The following OFD1 variants were observed in gnomAD, a reference collection of about 807,000 sequenced individuals.
The protein encoded by OFD1 is OFD1 centriole and centriolar satellite protein, also known as centriole and centriolar satellite protein OFD1.
In OFD1, 12 loss-of-function variants were observed where a neutral mutation model predicts 81.4. That is an observed-to-expected ratio of 0.15 (90% confidence interval 0.09 to 0.24). OFD1 has a LOEUF of 0.24. Among genes scored for constraint, OFD1 ranks in the 10% least tolerant of loss-of-function variants. The probability of loss-of-function intolerance (pLI) is 1.00; values close to 1 mark genes in which losing one functional copy is unlikely to be tolerated. For missense variants in OFD1, 685 were observed against 733.9 expected, an observed-to-expected ratio of 0.93 and a Z score of 0.77; for synonymous variants, 256 against 263.7, an observed-to-expected ratio of 0.97 and a Z score of 0.28.
chrX:13,760,125 T>C lies in OFD1; in HGVS notation c.1665T>C (p.Asn555=), dbSNP rs1359716446. The change falls in exon 16 of 23, where the codon AAT becomes AAC. Residue 555 remains asparagine (N), a synonymous_variant. Transcript: ENST00000340096. ...QLKQTQTALE[N]EVYCNPKQSV... ...TTTTGTACCCTGCAGCCCTAGAGAA[T>C]GAAGTGTACTGCAATCCAAAGCAGT... is the stretch of plus-strand genomic sequence containing the variant. 1.7e-6 allele frequency: 2 copies of C among 1,210,523 alleles called. No individual in the cohort carries two copies. The highest frequency in any genetic ancestry group is 3.5e-5 in the African/African-American group (2 of 57,335).
intron 10 of OFD1, among the ~76,000 whole-genome samples, chrX:13,752,354 A>G: frequency 8.9e-6 from 1 of 112,155 alleles, no homozygotes; most frequent in Non-Finnish European, 1.9e-5. Context: ...ATTTGTTGTA[A>G]ATGTGTCACG....
intron 3 of OFD1, among the ~76,000 whole-genome samples, chrX:13,737,282 T>C (rs768715640): frequency 9.0e-6 from 1 of 111,670 alleles, no homozygotes; most frequent in South Asian, 3.7e-4. Context: ...TTCTAATTAT[T>C]TTAACTATAT....
the OFD1 span, among the ~76,000 whole-genome samples, chrX:13,723,461 C>T: frequency 2.7e-5 from 3 of 111,884 alleles, no homozygotes; most frequent in African/African-American, 6.5e-5. Context: ...AGCCACCATG[C>T]CCGGCCTGAT....
upstream of OFD1, among the ~76,000 whole-genome samples, chrX:13,733,695 C>T (rs893395641): frequency 8.0e-5 from 9 of 111,832 alleles, no homozygotes; most frequent in Middle Eastern, 4.2e-3. Flanking sequence ...ATATTCCCAG[C>T]ACACAACTCT....
intron 8 of OFD1, among the ~76,000 whole-genome samples, chrX:13,748,473 T>C (rs757786957): frequency 8.9e-6 from 1 of 112,616 alleles, no homozygotes; most frequent in South Asian, 3.7e-4. Context: ...TTTATGTACT[T>C]CAGTTACAAA....
chrX:13,759,885 A>G (rs1289429678), intron 15 of OFD1, among the ~76,000 whole-genome samples: 1 of 112,294 alleles, frequency 8.9e-6, no homozygotes, highest in Non-Finnish European at 1.9e-5. Flanking sequence ...AAAATTGTGC[A>G]TAATGGATTC....
chrX:13,743,357 T>C (rs966459001), intron 5 of OFD1, among the ~76,000 whole-genome samples: 1 of 112,784 alleles, frequency 8.9e-6, no homozygotes, highest in Non-Finnish European at 1.9e-5. Context: ...TTTTAAATAA[T>C]GTATTTAACC....
chrX:13,730,463 TTGG>T (rs1263454391), upstream of OFD1, among the ~76,000 whole-genome samples: 1 of 111,866 alleles, frequency 8.9e-6, no homozygotes, highest in Admixed American at 9.5e-5. Flanking sequence ...TTTTACACTG[TTGG>T]TGGGAGTGTA....
chrX:13,754,413 CTTT>C (rs869303506), intron 11 of OFD1, among the ~76,000 whole-genome samples: 1 of 90,219 alleles, frequency 1.1e-5, no homozygotes. Context: ...TGGCTACTGT[CTTT>C]TTTTTTTTTT....
In OFD1 at chrX:13,757,803, C is replaced by G. The variant is rs1253138718; in HGVS notation, c.1542+13C>G. 8.3e-7 allele frequency: 1 copy of G among 1,208,453 alleles called. No homozygotes were observed. Among genetic ancestry groups the G allele is most frequent in the Non-Finnish European group, 1.1e-6 (1 of 892,826 alleles). On this transcript the variant is annotated intron_variant, in intron 14 of 22. Transcript: ENST00000340096. ...ACTGCAAGACGAAGTGAGTATTGCT[C>G]TTCTTCAGTTCTAGTGTGATACCAG... is the stretch of plus-strand genomic sequence containing the variant.
intron 16 of OFD1, 21 bp downstream of exon 16, chrX:13,760,741 G>A: frequency 8.3e-7 from 1 of 1,210,381 alleles, no homozygotes. Context: ...CGCACAAAGG[G>A]TTGCGGGGTG....
chrX:13,738,952 TTAATTATAA>T, intron 4 of OFD1, 38 bp downstream of exon 4: 2 of 1,180,411 alleles, frequency 1.7e-6, no homozygotes, highest in Non-Finnish European at 2.3e-6. Context: ...CTTTGGTTTG[TTAATTATAA>T]CTGAATAGCT....
chrX:13,771,804 T>G (rs1198457460), downstream of OFD1: 2 of 112,395 alleles, frequency 1.8e-5, no homozygotes, highest in Non-Finnish European at 3.8e-5. Context: ...TCAAACTTTA[T>G]TATTCCAGGA....
chrX:13,751,081 G>A (rs1384010924), intron 9 of OFD1, among the ~76,000 whole-genome samples, 168 bp from the exon 10 acceptor site: 2 of 111,975 alleles, frequency 1.8e-5, no homozygotes, highest in Non-Finnish European at 3.8e-5. Flanking sequence ...CTGTAACTAG[G>A]TCAGTTCATA....
the OFD1 span, chrX:13,716,462 C>CT: frequency 1.8e-6 from 2 of 1,140,871 alleles, no homozygotes; most frequent in Non-Finnish European, 2.4e-6. Flanking sequence ...AGCCTGGCAT[C>CT]TATGTTCCAT....
chrX:13,730,611 A>T (rs987272578), upstream of OFD1, among the ~76,000 whole-genome samples: 3 of 111,847 alleles, frequency 2.7e-5, no homozygotes, highest in African/African-American at 9.8e-5. Context: ...TAAAGACACA[A>T]GCACACGTAT....
At chrX:13,715,821 AATAC>A in the OFD1 span, 1 of 974,109 alleles carries the variant, frequency 1.0e-6, no homozygotes, top group Non-Finnish European at 1.3e-6. Flanking sequence ...TGTGTTCCTA[AATAC>A]ATATTCACCT....
At chrX:13,752,733 C>T in intron 10 of OFD1, 1 of 971,798 alleles carries the variant, frequency 1.0e-6, no homozygotes, top group Non-Finnish European at 1.3e-6. Flanking sequence ...GTCTGCCTGG[C>T]TTTGGGAATC....
At chrX:13,717,062 A>C in the OFD1 span, among the ~76,000 whole-genome samples, 49 of 83,007 alleles carry the variant, frequency 5.9e-4, no homozygotes, top group African/African-American at 1.4e-3. Context: ...AAAAAAAAAA[A>C]AACAAGATCC....
Sources: allele counts gnomAD v4.1 joint callset (sites outside exome capture counted in the v4.1 genomes callset), GRCh38; gene constraint gnomAD v4.1.1; transcripts MANE v1.5; gene names NCBI Gene and HGNC (gene_info 2026-07-23, HGNC 2026-07-21).